The following CAMK4 variants were observed in gnomAD, a reference collection of about 807,000 sequenced individuals.
The protein encoded by CAMK4 is calcium/calmodulin-dependent protein kinase type IV.
Under a neutral mutation model 44.9 loss-of-function variants are expected in CAMK4, and 22 were observed. That is an observed-to-expected ratio of 0.49 (90% confidence interval 0.35 to 0.70). The LOEUF is 0.70. Among genes scored for constraint, CAMK4 ranks in the 30% least tolerant of loss-of-function variants. The probability of loss-of-function intolerance (pLI) is 0.01; values close to 1 mark genes in which losing one functional copy is unlikely to be tolerated. For missense variants in CAMK4, 498 were observed against 586.8 expected (o/e 0.85, Z 1.56); for synonymous variants, 218 against 215.4 (o/e 1.01, Z -0.11).
At chr5:111,348,354 T>C (rs1230383168) in intron 2 of CAMK4, among the ~76,000 whole-genome samples, 1 of 151,976 alleles carries the variant, frequency 6.6e-6, no homozygotes, top group Non-Finnish European at 1.5e-5. Context: ...TGTGGAGAAA[T>C]CTTATGGTGG....
At chr5:111,314,638 A>G (rs1407343322) in intron 1 of CAMK4, among the ~76,000 whole-genome samples, 4 of 152,076 alleles carry the variant, frequency 2.6e-5, no homozygotes, top group Non-Finnish European at 5.9e-5. Context: ...ATTAGTTCCC[A>G]CCAATATAAT....
intron 1 of CAMK4, among the ~76,000 whole-genome samples, chr5:111,250,237 A>G (rs1749428294): frequency 3.3e-5 from 5 of 152,248 alleles, no homozygotes; most frequent in South Asian, 2.1e-4. Flanking sequence ...GAGGTAATGC[A>G]TAGTGCTTTT....
At chr5:111,346,708 C>T (rs1383076425) in intron 2 of CAMK4, among the ~76,000 whole-genome samples, 1 of 151,934 alleles carries the variant, frequency 6.6e-6, no homozygotes, top group Non-Finnish European at 1.5e-5. Flanking sequence ...TGCCTCTCTC[C>T]TAGCTTCTGG....
Position 111,490,783 on chromosome 5 carries a change from A to T in CAMK4, c.*6317A>T, listed in dbSNP as rs979026967. The T allele has an allele frequency of 6.6e-6, 1 of 152,160 alleles. No homozygotes were observed. Among genetic ancestry groups the T allele is most frequent in the Non-Finnish European group, 1.5e-5 (1 of 68,022 alleles). 9.4% of individuals were successfully genotyped at this position (152,160 alleles called of 1,614,324 possible). Reference sequence around the variant, plus strand: ...CACCCTTAAGTCTCAGTAATATTTTAAAAGTCCTCTATAAGCCAAAAGAAC... The same window carrying T: ...CACCCTTAAGTCTCAGTAATATTTTTAAAGTCCTCTATAAGCCAAAAGAAC... On this transcript the variant is annotated 3_prime_UTR_variant, in exon 11 of 11. Coordinates refer to ENST00000282356, the MANE Select transcript of CAMK4 (RefSeq NM_001744.6).
At chr5:111,360,534 A>G (rs181281437) in intron 2 of CAMK4, among the ~76,000 whole-genome samples, 1 of 152,104 alleles carries the variant, frequency 6.6e-6, no homozygotes, top group African/African-American at 2.4e-5. Context: ...TTGAAACCGG[A>G]CAGTCTTGGA....
chr5:111,419,385 T>C (rs1186960226), intron 5 of CAMK4, among the ~76,000 whole-genome samples: 8 of 152,196 alleles, frequency 5.3e-5, no homozygotes, highest in Non-Finnish European at 1.0e-4. Context: ...TTCTCCCATT[T>C]CGTAGGTTGC....
At chr5:111,360,700 C>T (rs1033085260) in intron 2 of CAMK4, among the ~76,000 whole-genome samples, 8 of 151,970 alleles carry the variant, frequency 5.3e-5, no homozygotes, top group African/African-American at 1.9e-4. Context: ...ATGTGCACAC[C>T]ACTGTATGGA....
At chr5:111,288,074 A>G (rs1276038662) in intron 1 of CAMK4, among the ~76,000 whole-genome samples, 4 of 152,322 alleles carry the variant, frequency 2.6e-5, no homozygotes, top group African/African-American at 9.6e-5. Flanking sequence ...TATGTAGTGT[A>G]TAATATTTTG....
intron 1 of CAMK4, among the ~76,000 whole-genome samples, chr5:111,323,571 A>T (rs188386852): frequency 6.6e-6 from 1 of 152,084 alleles, no homozygotes; most frequent in Admixed American, 6.6e-5. Flanking sequence ...TGAAAAAAAA[A>T]TGAAGACCAG....
At chr5:111,284,573 T>A (rs1751163089) in intron 1 of CAMK4, among the ~76,000 whole-genome samples, 1 of 152,296 alleles carries the variant, frequency 6.6e-6, no homozygotes. Flanking sequence ...TCTCTTGCTC[T>A]ACCTCCCCAC....
chr5:111,244,844 G>C (rs1749161515), intron 1 of CAMK4, among the ~76,000 whole-genome samples: 1 of 152,084 alleles, frequency 6.6e-6, no homozygotes, highest in Admixed American at 6.6e-5. Flanking sequence ...CTGGGTGACA[G>C]AGCGAGATTC....
chr5:111,366,686 T>C (rs1236861303), intron 2 of CAMK4, among the ~76,000 whole-genome samples: 3 of 152,166 alleles, frequency 2.0e-5, no homozygotes, highest in African/African-American at 7.2e-5. Context: ...ATTCCAGTGA[T>C]GGAGCCTTTT....
At chr5:111,254,613 G>T (rs570324861) in intron 1 of CAMK4, among the ~76,000 whole-genome samples, 1 of 152,198 alleles carries the variant, frequency 6.6e-6, no homozygotes, top group African/African-American at 2.4e-5. Context: ...CAAGGGGTCA[G>T]TTTCTCTCAG....
intron 1 of CAMK4, among the ~76,000 whole-genome samples, chr5:111,277,065 G>A (rs887164944): frequency 6.6e-6 from 1 of 152,134 alleles, no homozygotes; most frequent in South Asian, 2.1e-4. Flanking sequence ...CAGGAGGTGT[G>A]TCCACATAGC....
Position 111,421,256 on chromosome 5 carries a change from G to A in CAMK4, c.460-25430G>A, listed in dbSNP as rs1304910741. Among the ~76,000 whole-genome samples, 6 of 152,128 alleles carry A rather than the reference G, an allele frequency of 3.9e-5. No homozygotes were observed. In the South Asian group the frequency reaches 6.2e-4, roughly 16 times the overall value. On this transcript the variant is annotated intron_variant, in intron 5 of 10. Transcript: ENST00000282356. ...CTATGTCATAGCCTATGTACACTGC[G>A]CCTGTCATGGAAACAGGTTAACCTG...
At chr5:111,345,274 G>A (rs1283667113) in intron 2 of CAMK4, among the ~76,000 whole-genome samples, 1 of 151,812 alleles carries the variant, frequency 6.6e-6, no homozygotes, top group Non-Finnish European at 1.5e-5. Flanking sequence ...TAATTTCAAT[G>A]GCACTTGCTA....
chr5:111,369,023 G>A (rs1010065242), intron 2 of CAMK4, among the ~76,000 whole-genome samples: 2 of 148,798 alleles, frequency 1.3e-5, no homozygotes, highest in African/African-American at 4.9e-5. Context: ...TGGGCTTTAG[G>A]AGCCCTTTCT....
intron 5 of CAMK4, among the ~76,000 whole-genome samples, chr5:111,438,379 T>C (rs1049964237): frequency 6.6e-6 from 1 of 152,216 alleles, no homozygotes; most frequent in African/African-American, 2.4e-5. Context: ...AATGTGAGAA[T>C]AGATATAGTT....
chr5:111,417,932 A>T (rs1316314777), intron 5 of CAMK4, among the ~76,000 whole-genome samples: 1 of 151,528 alleles, frequency 6.6e-6, no homozygotes, highest in Non-Finnish European at 1.5e-5. Context: ...GTAATATTTT[A>T]TTGTGATTTT....
Sources: allele counts gnomAD v4.1 joint callset (sites outside exome capture counted in the v4.1 genomes callset), GRCh38; gene constraint gnomAD v4.1.1; transcripts MANE v1.5; gene names NCBI Gene and HGNC (gene_info 2026-07-23, HGNC 2026-07-21).